LGR4: variants seen among roughly 807,000 people sequenced by gnomAD.
LGR4 encodes the protein leucine rich repeat containing G protein-coupled receptor 4.
A neutral mutation model predicts 84.8 loss-of-function variants in LGR4; 44 were observed. The observed-to-expected ratio is 0.52, with a 90% confidence interval of 0.41 to 0.67. The LOEUF (loss-of-function observed/expected upper bound fraction) is 0.67, where lower values mean the gene tolerates loss of function less well. LGR4 is among the 30% of genes least tolerant of loss of function. The pLI, the probability that LGR4 is intolerant of heterozygous loss-of-function variation, is 0.00. For missense variants in LGR4, 1,032 were observed against 1,131.4 expected (o/e 0.91, Z 1.26); for synonymous variants, 429 against 434.3 (o/e 0.99, Z 0.15).
chr11:27,422,628 C>T (rs7937527), intron 1 of LGR4, among the ~76,000 whole-genome samples: 35,011 of 152,140 alleles, frequency 0.23, 7,230 homozygotes, highest in African/African-American at 0.56. Flanking sequence ...GTCCATGAAA[C>T]AGACTCAAAA....
At chr11:27,390,116 T>C (rs1863255639) in intron 4 of LGR4, among the ~76,000 whole-genome samples, 1 of 152,180 alleles carries the variant, frequency 6.6e-6, no homozygotes, top group South Asian at 2.1e-4. Flanking sequence ...TAAAATCAAA[T>C]GGTAACCTAT....
chr11:27,456,102 C>T (rs1462073729), intron 1 of LGR4, among the ~76,000 whole-genome samples: 1 of 152,164 alleles, frequency 6.6e-6, no homozygotes, highest in Non-Finnish European at 1.5e-5. Flanking sequence ...AAGCAAAATG[C>T]TTCCAGGGGA....
At chr11:27,377,776 G>GATC (rs1490694115) in intron 11 of LGR4, among the ~76,000 whole-genome samples, 2 of 152,020 alleles carry the variant, frequency 1.3e-5, no homozygotes, top group Non-Finnish European at 2.9e-5. Context: ...CCTCAACAGT[G>GATC]ATCATTATGT....
intron 6 of LGR4, among the ~76,000 whole-genome samples, chr11:27,383,234 T>C (rs994023897): frequency 3.9e-5 from 6 of 152,206 alleles, no homozygotes; most frequent in Admixed American, 1.3e-4. Flanking sequence ...ATTTGCATGA[T>C]TGATTTCAGA....
rs1565066217 is a variant in LGR4, at chr11:27,367,159, C to CA, written c.*707dup. ...TACTTTTTTTCTAGTAGTGTAATCA[C>CA]AAAACACTTAAGAAAAAATTACTGA... is the stretch of plus-strand genomic sequence containing the variant. On this transcript the variant is annotated 3_prime_UTR_variant, in exon 18 of 18. Transcript: ENST00000379214. 1 of 152,062 alleles carries CA rather than the reference C, an allele frequency of 6.6e-6. No homozygotes were observed. The highest frequency in any genetic ancestry group is 1.5e-5 in the Non-Finnish European group (1 of 67,980). The allele number at this position is 152,062 out of a possible 1,614,324, so 9.4% of individuals were successfully genotyped here. A position where few individuals can be genotyped will look rare whatever the true frequency, so the allele number is the denominator to read the frequency against.
At chr11:27,461,082 C>T (rs1242931727) in intron 1 of LGR4, among the ~76,000 whole-genome samples, 2 of 151,898 alleles carry the variant, frequency 1.3e-5, no homozygotes, top group Non-Finnish European at 2.9e-5. Context: ...AAGATTTAAC[C>T]GTGCTTAAGA....
chr11:27,452,956 C>T (rs1864512730), intron 1 of LGR4, among the ~76,000 whole-genome samples: 1 of 152,070 alleles, frequency 6.6e-6, no homozygotes, highest in Non-Finnish European at 1.5e-5. Context: ...ATTTATTCTG[C>T]CACATTGACT....
intron 1 of LGR4, among the ~76,000 whole-genome samples, chr11:27,429,574 G>C (rs1331271300): frequency 6.6e-6 from 1 of 152,056 alleles, no homozygotes; most frequent in Non-Finnish European, 1.5e-5. Flanking sequence ...TAAAAGAAAA[G>C]CTTCCAGGAT....
chr11:27,392,264 T>C (rs755008342), intron 3 of LGR4, among the ~76,000 whole-genome samples, 183 bp downstream of exon 3: 1 of 152,180 alleles, frequency 6.6e-6, no homozygotes, highest in Non-Finnish European at 1.5e-5. Flanking sequence ...GTTTTAACTT[T>C]TGTTAATCTA....
At chr11:27,392,026 A>T (rs1456540089) in intron 3 of LGR4, among the ~76,000 whole-genome samples, 1 of 152,180 alleles carries the variant, frequency 6.6e-6, no homozygotes. Context: ...TACAAATTGT[A>T]GGCATCTGAA....
At chr11:27,426,978 T>A (rs528572293) in intron 1 of LGR4, among the ~76,000 whole-genome samples, 19 of 152,294 alleles carry the variant, frequency 1.2e-4, no homozygotes, top group Non-Finnish European at 2.2e-4. Flanking sequence ...AGTCCCTCCC[T>A]GTAGCTAAAG....
chr11:27,449,592 C>A (rs1256004470), intron 1 of LGR4, among the ~76,000 whole-genome samples: 1 of 142,704 alleles, frequency 7.0e-6, no homozygotes, highest in Non-Finnish European at 1.5e-5. Flanking sequence ...TTAAAAAAAT[C>A]AAAAACTTGC....
intron 1 of LGR4, among the ~76,000 whole-genome samples, chr11:27,426,613 T>C (rs76676727): frequency 0.034 from 5,199 of 152,300 alleles, 96 homozygotes; most frequent in Middle Eastern, 0.085. Flanking sequence ...ATTCTGACTT[T>C]AGAACACTGC....
At chr11:27,411,831 C>T (rs918863594) in intron 2 of LGR4, among the ~76,000 whole-genome samples, 1 of 152,100 alleles carries the variant, frequency 6.6e-6, no homozygotes, top group Non-Finnish European at 1.5e-5. Flanking sequence ...GTTCCCCATT[C>T]TCTAGGGGAG....
chr11:27,467,419 T>C (rs1864797846), intron 1 of LGR4, among the ~76,000 whole-genome samples: 1 of 151,810 alleles, frequency 6.6e-6, no homozygotes, highest in Non-Finnish European at 1.5e-5. Context: ...TACAAAAAAA[T>C]TAGCCAGGCA....
chr11:27,387,457 A>G (rs1381811583), intron 4 of LGR4, among the ~76,000 whole-genome samples: 2 of 152,244 alleles, frequency 1.3e-5, no homozygotes, highest in Non-Finnish European at 2.9e-5. Context: ...TGACATTTAA[A>G]GTGAGACCTA....
chr11:27,449,493 G>A (rs1175610247), intron 1 of LGR4, among the ~76,000 whole-genome samples: 1 of 151,804 alleles, frequency 6.6e-6, no homozygotes, highest in East Asian at 1.9e-4. Context: ...GAGGCAGGAG[G>A]GTGACTTGAG....
intron 2 of LGR4, among the ~76,000 whole-genome samples, chr11:27,401,229 T>C (rs1160723826): frequency 7.9e-5 from 12 of 152,172 alleles, no homozygotes; most frequent in Admixed American, 7.2e-4. Flanking sequence ...AAAAAATAAG[T>C]ACGTTTCTGC....
At chr11:27,456,220 T>C (rs1403720572) in intron 1 of LGR4, among the ~76,000 whole-genome samples, 1 of 152,202 alleles carries the variant, frequency 6.6e-6, no homozygotes, top group Non-Finnish European at 1.5e-5. Context: ...TCATGAATAA[T>C]AGCCCTGCTG....
Sources: gnomAD v4.1 joint callset for allele counts (sites outside exome capture counted in the v4.1 genomes callset) on GRCh38, gnomAD v4.1.1 for gene constraint, MANE v1.5 for transcripts, NCBI Gene and HGNC (gene_info 2026-07-23, HGNC 2026-07-21) for gene names.